CFAP299: variants seen among roughly 807,000 people sequenced by gnomAD.
CFAP299 encodes the protein cilia and flagella associated protein 299.
Under a neutral mutation model 27.0 loss-of-function variants are expected in CFAP299, and 21 were observed. The observed-to-expected ratio is 0.78, with a 90% CI of 0.55 to 1.12. The LOEUF (loss-of-function observed/expected upper bound fraction) is 1.12, where lower values mean the gene tolerates loss of function less well. Among genes scored for constraint, CFAP299 ranks in the 50% most tolerant of loss-of-function variants. CFAP299 has a pLI of 0.00. For missense variants in CFAP299, 310 were observed against 276.6 expected, an observed-to-expected ratio of 1.12 and a Z score of -0.86; for synonymous variants, 104 against 98.1, an observed-to-expected ratio of 1.06 and a Z score of -0.36.
At chr4:80,896,442 T>G (rs1734613666) in intron 4 of CFAP299, among the ~76,000 whole-genome samples, 1 of 152,140 alleles carries the variant, frequency 6.6e-6, no homozygotes, top group South Asian at 2.1e-4. Context: ...GTCCTCTATT[T>G]TCTGAGGAAC....
At chr4:80,678,227 C>G (rs1370649580) in intron 3 of CFAP299, among the ~76,000 whole-genome samples, 1 of 151,896 alleles carries the variant, frequency 6.6e-6, no homozygotes, top group African/African-American at 2.4e-5. Context: ...TGTTACCCTC[C>G]CCTCAACCTT....
Position 80,903,210 on chromosome 4 carries a change from A to G in CFAP299, c.476+33075A>G, listed in dbSNP as rs16998373. Among the ~76,000 whole-genome samples, 551 of 152,192 alleles carry G rather than the reference A, an allele frequency of 3.6e-3. 2 individuals carry two copies. The highest frequency in any genetic ancestry group is 0.012 in the African/African-American group (519 of 41,548). ...GGGCCACTCTGACCTCAGAAGCTGA[A>G]TCACATGTCTGCCTGGAAATGAGCT... On this transcript the variant is annotated intron_variant, in intron 4 of 5. Coordinates refer to ENST00000358105, the MANE Select transcript of CFAP299 (RefSeq NM_152770.3).
At chr4:80,455,213 A>C (rs888182893) in intron 2 of CFAP299, among the ~76,000 whole-genome samples, 35 of 152,306 alleles carry the variant, frequency 2.3e-4, no homozygotes, top group African/African-American at 7.7e-4. Context: ...TTGTTTCAGG[A>C]AAGGGCTCTT....
intron 3 of CFAP299, among the ~76,000 whole-genome samples, chr4:80,700,484 G>A (rs1578036045): frequency 6.6e-6 from 1 of 152,192 alleles, no homozygotes; most frequent in African/African-American, 2.4e-5. Context: ...GGAAAGCTAA[G>A]GTAGTAGTAC....
upstream of CFAP299, among the ~76,000 whole-genome samples, chr4:80,333,426 G>T (rs1274885190): frequency 6.6e-6 from 1 of 152,064 alleles, no homozygotes; most frequent in African/African-American, 2.4e-5. Context: ...CCTACAATAT[G>T]ATAACATATT....
At chr4:80,500,706 C>T (rs1417723046) in intron 2 of CFAP299, among the ~76,000 whole-genome samples, 2 of 152,098 alleles carry the variant, frequency 1.3e-5, no homozygotes, top group Non-Finnish European at 2.9e-5. Flanking sequence ...CTGTCTCACA[C>T]GTGCATCCTA....
At chr4:80,386,752 CAGCTTGTCCG>C in intron 2 of CFAP299, 1 of 1,478,078 alleles carries the variant, frequency 6.8e-7, no homozygotes, top group Non-Finnish European at 9.4e-7. Flanking sequence ...CATGGGCCTT[CAGCTTGTCCG>C]GCCGGTTGAA....
At chr4:80,497,137 G>A (rs1362869850) in intron 2 of CFAP299, among the ~76,000 whole-genome samples, 1 of 152,118 alleles carries the variant, frequency 6.6e-6, no homozygotes, top group Non-Finnish European at 1.5e-5. Context: ...AGGCATGGTG[G>A]CACACACCTG....
chr4:80,801,261 A>T lies in CFAP299; in HGVS notation c.334-68732A>T, dbSNP rs146337219. Among the ~76,000 whole-genome samples, 610 of 151,998 alleles carry T rather than the reference A, an allele frequency of 4.0e-3. 4 individuals are homozygous for T. The highest frequency in any genetic ancestry group is 6.9e-3 in the Non-Finnish European group (469 of 67,964). On this transcript the variant is annotated intron_variant, in intron 3 of 5. Transcript: ENST00000358105. ...TTTAAGAACACACAGTTTCTCAAAT[A>T]TTCATGGTTTTGATAACTTTCTACC...
At chr4:80,736,323 A>G (rs1431691499) in intron 3 of CFAP299, among the ~76,000 whole-genome samples, 1 of 152,154 alleles carries the variant, frequency 6.6e-6, no homozygotes, top group Non-Finnish European at 1.5e-5. Context: ...TCCCAGCACC[A>G]TTTATTAAAT....
At chr4:80,905,470 T>A (rs539356799) in intron 4 of CFAP299, among the ~76,000 whole-genome samples, 2 of 152,310 alleles carry the variant, frequency 1.3e-5, no homozygotes, top group South Asian at 4.1e-4. Context: ...AATTGATATT[T>A]TTTTTAAAAA....
chr4:80,793,099 ATG>A (rs149555055), intron 3 of CFAP299, among the ~76,000 whole-genome samples: 4,047 of 144,518 alleles, frequency 0.028, 156 homozygotes, highest in African/African-American at 0.087. Context: ...CCTATTAGTT[ATG>A]TGTGTGTGTG....
chr4:80,727,085 T>A (rs900005994), intron 3 of CFAP299, among the ~76,000 whole-genome samples: 7 of 152,122 alleles, frequency 4.6e-5, no homozygotes, highest in Non-Finnish European at 2.9e-5. Context: ...GTCATGTATG[T>A]TCCAAGATAA....
At chr4:80,887,182 G>C (rs1312461101) in intron 4 of CFAP299, among the ~76,000 whole-genome samples, 1 of 152,152 alleles carries the variant, frequency 6.6e-6, no homozygotes, top group Non-Finnish European at 1.5e-5. Flanking sequence ...GATAATATCA[G>C]AGAACGTCCC....
chr4:80,823,831 C>G (rs1729838245), intron 3 of CFAP299, among the ~76,000 whole-genome samples: 1 of 152,084 alleles, frequency 6.6e-6, no homozygotes, highest in South Asian at 2.1e-4. Context: ...ACAAGTTTAC[C>G]TAGCACTAAT....
chr4:80,729,703 C>T (rs1382121966), intron 3 of CFAP299, among the ~76,000 whole-genome samples: 2 of 148,608 alleles, frequency 1.3e-5, no homozygotes, highest in Admixed American at 6.8e-5. Flanking sequence ...GGGTTCATGC[C>T]ATTCTCCTGC....
intron 4 of CFAP299, among the ~76,000 whole-genome samples, chr4:80,879,933 A>G (rs989534859): frequency 6.6e-6 from 1 of 152,202 alleles, no homozygotes; most frequent in Non-Finnish European, 1.5e-5. Context: ...ATTATTTCCT[A>G]TAATCTGTCT....
At chr4:80,822,910 C>CT (rs928137617) in intron 3 of CFAP299, among the ~76,000 whole-genome samples, 1 of 151,532 alleles carries the variant, frequency 6.6e-6, no homozygotes, top group African/African-American at 2.4e-5. Flanking sequence ...GTTTTTGTCT[C>CT]TTTTTTTTTC....
At chr4:80,488,527 G>A (rs991297611) in intron 2 of CFAP299, among the ~76,000 whole-genome samples, 2 of 147,754 alleles carry the variant, frequency 1.4e-5, no homozygotes, top group African/African-American at 2.5e-5. Flanking sequence ...AGGCTGGAGT[G>A]CAGTGGCATG....
Sources: allele counts gnomAD v4.1 joint callset (sites outside exome capture counted in the v4.1 genomes callset), GRCh38; gene constraint gnomAD v4.1.1; transcripts MANE v1.5; gene names NCBI Gene and HGNC (gene_info 2026-07-23, HGNC 2026-07-21).